Variants in LNPK observed in about 807,000 individuals in gnomAD.
LNPK encodes endoplasmic reticulum junction formation protein lunapark.
LNPK carries 29 observed loss-of-function variants against 55.2 expected under a neutral mutation model. That is an observed-to-expected ratio of 0.53 (90% CI 0.39 to 0.72). The LOEUF (loss-of-function observed/expected upper bound fraction) is 0.72, where lower values mean the gene tolerates loss of function less well. LNPK is among the 30% of genes least tolerant of loss of function. The pLI is 0.00. For missense variants in LNPK, 467 were observed against 494.8 expected (o/e 0.94, Z 0.53); for synonymous variants, 162 against 168.2 (o/e 0.96, Z 0.29).
intron 8 of LNPK, among the ~76,000 whole-genome samples, chr2:175,958,760 T>A (rs1685835800): frequency 6.6e-6 from 1 of 151,974 alleles, no homozygotes; most frequent in Admixed American, 6.6e-5. Context: ...AGGTCAGTAA[T>A]AACAAACTTC....
intron 9 of LNPK, among the ~76,000 whole-genome samples, chr2:175,940,283 G>A (rs1684764674): frequency 6.6e-6 from 1 of 151,778 alleles, no homozygotes; most frequent in South Asian, 2.1e-4. Flanking sequence ...AGAATTCTGA[G>A]AAGGCCAAGG....
At chr2:175,972,877 A>G (rs1004679992) in intron 5 of LNPK, among the ~76,000 whole-genome samples, 1 of 152,192 alleles carries the variant, frequency 6.6e-6, no homozygotes, top group Non-Finnish European at 1.5e-5. Flanking sequence ...CAAAGACTGA[A>G]GCTCTTCAAT....
intron 8 of LNPK, among the ~76,000 whole-genome samples, chr2:175,954,793 T>G (rs367577652): frequency 2.0e-5 from 3 of 152,216 alleles, no homozygotes; most frequent in South Asian, 4.1e-4. Flanking sequence ...TTACTTTTAT[T>G]TTCTTCAACT....
In LNPK at chr2:175,931,233, G is replaced by T. The variant is rs116672727; in HGVS notation, c.1055-1034C>A. On this transcript the variant is annotated intron_variant, in intron 12 of 12. Coordinates refer to ENST00000272748, the MANE Select transcript of LNPK (RefSeq NM_030650.3). ...TCCACTCTCATAGATGATTTCTTAC[G>T]ATATACTACAAATGTTACTGATTCA... Among the ~76,000 whole-genome samples the T allele has an allele frequency of 5.6e-3, 853 of 152,192 alleles. 9 individuals carry two copies. Among genetic ancestry groups the T allele is most frequent in the African/African-American group, 0.019 (802 of 41,532 alleles).
At chr2:175,978,537 G>A (rs77814567) in intron 5 of LNPK, among the ~76,000 whole-genome samples, 1,851 of 152,154 alleles carry the variant, frequency 0.012, 37 homozygotes, top group African/African-American at 0.042. Context: ...GTTGGTTTTT[G>A]GTAGGAGGCA....
chr2:175,997,373 CAGTA>C (rs1443709051), intron 1 of LNPK, among the ~76,000 whole-genome samples: 1 of 152,048 alleles, frequency 6.6e-6, no homozygotes, highest in Non-Finnish European at 1.5e-5. Context: ...TGAATTATGA[CAGTA>C]AGTAAATCTA....
chr2:175,937,086 A>G (rs951950444), intron 12 of LNPK, among the ~76,000 whole-genome samples: 5 of 152,178 alleles, frequency 3.3e-5, no homozygotes, highest in African/African-American at 1.2e-4. Context: ...ATCTCCCAAC[A>G]GTTTTTAGAA....
chr2:175,987,209 A>G (rs1479142463), intron 4 of LNPK, among the ~76,000 whole-genome samples: 1 of 152,202 alleles, frequency 6.6e-6, no homozygotes, highest in Non-Finnish European at 1.5e-5. Flanking sequence ...TGCTGCTATA[A>G]AGACACAAGC....
intron 12 of LNPK, 144 bp from the exon 13 acceptor site, chr2:175,930,343 T>C (rs937899442): frequency 1.5e-6 from 1 of 658,816 alleles, no homozygotes; most frequent in Non-Finnish European, 2.6e-6. Context: ...TTGTCTAACA[T>C]TATCCTTAAA....
chr2:175,929,976 C>T lies in LNPK; in HGVS notation c.1278G>A (p.Thr426=), dbSNP rs534119002. The change falls in exon 13 of 13, where the codon ACG becomes ACA. Residue 426 remains threonine (T), a synonymous_variant. Coordinates refer to ENST00000272748, the MANE Select transcript of LNPK (RefSeq NM_030650.3). ...PDPELSGESL[T]AE is the part of the protein sequence containing the mutation. ...CACGTGGAAGCATTTACTACTCTGCCGTCAAAGATTCTCCACTTAGTTCAG... is the reference window on the plus strand; with the variant it reads ...CACGTGGAAGCATTTACTACTCTGCTGTCAAAGATTCTCCACTTAGTTCAG... The T allele has an allele frequency of 9.9e-6, 16 of 1,613,830 alleles. No homozygotes were observed. Among genetic ancestry groups the T allele is most frequent in the South Asian group, 5.5e-5 (5 of 91,044 alleles).
chr2:175,963,433 T>C (rs1686165407), intron 8 of LNPK, among the ~76,000 whole-genome samples: 1 of 152,120 alleles, frequency 6.6e-6, no homozygotes, highest in African/African-American at 2.4e-5. Flanking sequence ...GAAATCATCA[T>C]TCTCAGTAAA....
chr2:175,955,082 A>T (rs1267588937), intron 8 of LNPK, among the ~76,000 whole-genome samples: 1 of 152,196 alleles, frequency 6.6e-6, no homozygotes, highest in African/African-American at 2.4e-5. Context: ...TGAAAACTGG[A>T]TTGGGATAGA....
At chr2:175,995,804 CT>C (rs10674444) in intron 1 of LNPK, among the ~76,000 whole-genome samples, 158 bp from the exon 2 acceptor site, 2,526 of 65,862 alleles carry the variant, frequency 0.038, 6 homozygotes, top group Admixed American at 0.054. Flanking sequence ...TAGAGTCTAC[CT>C]TTTTTTTTTT....
intron 8 of LNPK, among the ~76,000 whole-genome samples, chr2:175,953,770 C>T (rs1386249167): frequency 9.4e-6 from 1 of 106,616 alleles, no homozygotes; most frequent in Admixed American, 9.3e-5. Flanking sequence ...CTCCATGTTA[C>T]TAAAAAAAAA....
intron 4 of LNPK, 136 bp downstream of exon 4, chr2:175,992,095 T>G (rs555019821): frequency 1.9e-5 from 11 of 575,570 alleles, no homozygotes; most frequent in African/African-American, 1.4e-4. Flanking sequence ...AAAAATCTTT[T>G]CAAATTGTGA....
chr2:175,992,251 T>C lies in LNPK; in HGVS notation c.237A>G (p.Pro79=), dbSNP rs776671346. 3 of 1,554,252 alleles carry C rather than the reference T, an allele frequency of 1.9e-6. No individual in the cohort carries two copies. In the South Asian group the frequency reaches 3.8e-5, roughly 20 times the overall value. Residue 79 remains proline (P), a synonymous_variant, in exon 4 of 13, where the codon CCA becomes CCG. Coordinates refer to ENST00000272748, the MANE Select transcript of LNPK (RefSeq NM_030650.3). ...CTTACATCAATGGAAAAGCAAAAAA[T>C]GGGAGTGTCATGGCAAGTCTTGCTG... is the stretch of plus-strand genomic sequence containing the variant. The part of the protein sequence containing the change: ...EFTARLAMTL[P]FFAFPLIIWS...
intron 8 of LNPK, among the ~76,000 whole-genome samples, chr2:175,959,978 A>C (rs1685922910): frequency 6.6e-6 from 1 of 152,206 alleles, no homozygotes; most frequent in African/African-American, 2.4e-5. Context: ...CCATTACATA[A>C]TGGTAAAGGA....
At chr2:176,002,363 T>C (rs533144884), upstream of LNPK, 14 of 376,312 alleles carry the variant, frequency 3.7e-5, no homozygotes, top group Middle Eastern at 8.9e-4. Context: ...CACGTGACCG[T>C]ACCCTGGGCG....
At chr2:175,982,840 T>C (rs990278002) in intron 4 of LNPK, among the ~76,000 whole-genome samples, 13 of 152,228 alleles carry the variant, frequency 8.5e-5, no homozygotes, top group Non-Finnish European at 1.6e-4. Context: ...ATATTGACGA[T>C]ATTAAGGATA....
Sources: allele counts gnomAD v4.1 joint callset (sites outside exome capture counted in the v4.1 genomes callset), GRCh38; gene constraint gnomAD v4.1.1; transcripts MANE v1.5; gene names NCBI Gene and HGNC (gene_info 2026-07-23, HGNC 2026-07-21).